Variants in SNRK observed in about 807,000 individuals in gnomAD.
The protein encoded by SNRK is SNF-related serine/threonine-protein kinase.
A neutral mutation model predicts 48.2 loss-of-function variants in SNRK; 3 were observed. The observed-to-expected ratio is 0.06, with a 90% CI of 0.03 to 0.16. The LOEUF (loss-of-function observed/expected upper bound fraction) is 0.16, where lower values mean the gene tolerates loss of function less well. Ranked by LOEUF, SNRK falls within the 10% of genes least tolerant of loss-of-function variation. The pLI is 1.00. For missense variants in SNRK, 627 were observed against 976.0 expected (o/e 0.64, Z 4.76); for synonymous variants, 376 against 366.1 (o/e 1.03, Z -0.31).
At position 43,349,474 on chromosome 3, in the gene SNRK, A is replaced by G. The variant is rs1053353459; in HGVS notation, c.*917A>G. Reference sequence around the variant, plus strand: ...TGTTGGCAAAGTCAAAACCCCATGAATTAAAACCTACTGGAATTTGGTTTT... The same window carrying G: ...TGTTGGCAAAGTCAAAACCCCATGAGTTAAAACCTACTGGAATTTGGTTTT... On this transcript the variant is annotated 3_prime_UTR_variant, in exon 7 of 7. Transcript: ENST00000296088. 3 of 152,314 alleles carry G rather than the reference A, an allele frequency of 2.0e-5. No individual in the cohort carries two copies. The highest frequency in any genetic ancestry group is 7.2e-5 in the African/African-American group (3 of 41,458). 9.4% of individuals were successfully genotyped at this position (152,314 alleles called of 1,614,324 possible).
chr3:43,311,733 A>G (rs982041735), intron 3 of SNRK, among the ~76,000 whole-genome samples: 1 of 152,116 alleles, frequency 6.6e-6, no homozygotes, highest in Non-Finnish European at 1.5e-5. Context: ...CTTTGCTCTG[A>G]GTGACCAGGC....
intron 2 of SNRK, among the ~76,000 whole-genome samples, chr3:43,301,664 G>A (rs967598870): frequency 3.3e-5 from 5 of 152,076 alleles, no homozygotes; most frequent in South Asian, 2.1e-4. Flanking sequence ...GTCAAATTTC[G>A]TTTTTTGGGA....
intron 3 of SNRK, among the ~76,000 whole-genome samples, chr3:43,328,512 A>G (rs2091112743): frequency 6.6e-6 from 1 of 152,100 alleles, no homozygotes; most frequent in Non-Finnish European, 1.5e-5. Flanking sequence ...CTGGGACTGT[A>G]GGCATGCACC....
intron 2 of SNRK, among the ~76,000 whole-genome samples, chr3:43,301,965 C>T (rs1457697641): frequency 1.3e-5 from 2 of 152,124 alleles, no homozygotes; most frequent in Non-Finnish European, 1.5e-5. Flanking sequence ...AAATAGGAAC[C>T]TATTTCTATT....
At chr3:43,299,717 G>C (rs769836241) in intron 1 of SNRK, 37 bp from the exon 2 acceptor site, 1 of 152,538 alleles carries the variant, frequency 6.6e-6, no homozygotes, top group African/African-American at 2.4e-5. Flanking sequence ...CAAACAAATA[G>C]AACTAAACCT....
chr3:43,305,480 AT>A (rs35255577), intron 3 of SNRK, among the ~76,000 whole-genome samples: 21,788 of 132,822 alleles, frequency 0.16, 1,154 homozygotes, highest in Middle Eastern at 0.29. Flanking sequence ...TTTATATACA[AT>A]TTTTTTTTTT....
intron 3 of SNRK, among the ~76,000 whole-genome samples, chr3:43,305,372 G>T (rs1422407758): frequency 6.6e-6 from 1 of 151,952 alleles, no homozygotes; most frequent in Non-Finnish European, 1.5e-5. Context: ...TTCATATTCT[G>T]TATACGGTGA....
At chr3:43,321,548 T>G (rs555312055) in intron 3 of SNRK, among the ~76,000 whole-genome samples, 1 of 152,326 alleles carries the variant, frequency 6.6e-6, no homozygotes, top group Admixed American at 6.5e-5. Context: ...CAGACCCTTA[T>G]TTAGTTAATT....
At chr3:43,311,403 A>C (rs2090978099) in intron 3 of SNRK, among the ~76,000 whole-genome samples, 1 of 151,988 alleles carries the variant, frequency 6.6e-6, no homozygotes, top group Non-Finnish European at 1.5e-5. Flanking sequence ...CCTGCCTTCT[A>C]CTGTTTCTGT....
At chr3:43,343,003 T>TA (rs1360835621) in intron 5 of SNRK, among the ~76,000 whole-genome samples, 1 of 152,132 alleles carries the variant, frequency 6.6e-6, no homozygotes, top group Non-Finnish European at 1.5e-5. Flanking sequence ...CCTGAACAAA[T>TA]ACAAACACTG....
chr3:43,334,910 T>C (rs1035533634), intron 4 of SNRK, among the ~76,000 whole-genome samples: 1 of 152,178 alleles, frequency 6.6e-6, no homozygotes, highest in East Asian at 1.9e-4. Context: ...CTTTTAGTTA[T>C]ATTTTTTAAG....
chr3:43,340,663 A>G, intron 5 of SNRK, 164 bp downstream of exon 5: 1 of 658,566 alleles, frequency 1.5e-6, no homozygotes, highest in Non-Finnish European at 2.5e-6. Context: ...GGCCTGACAC[A>G]GGTTTTTTTT....
chr3:43,336,681 A>T (rs944404492), intron 4 of SNRK, among the ~76,000 whole-genome samples: 5 of 152,098 alleles, frequency 3.3e-5, no homozygotes, highest in Admixed American at 3.3e-4. Context: ...ATTAGCTAGG[A>T]AGTTATAGTC....
intron 3 of SNRK, among the ~76,000 whole-genome samples, chr3:43,329,702 G>A (rs969170066): frequency 2.6e-5 from 4 of 152,118 alleles, no homozygotes; most frequent in African/African-American, 4.8e-5. Flanking sequence ...GTATATTTAT[G>A]TTGCTTTTCT....
chr3:43,319,367 CG>C (rs1443331904), intron 3 of SNRK, among the ~76,000 whole-genome samples: 67 of 152,176 alleles, frequency 4.4e-4, no homozygotes, highest in African/African-American at 1.4e-3. Flanking sequence ...TCTGGTAAGT[CG>C]GAAAACAAGA....
rs141065705 is a variant in SNRK, at chr3:43,323,945, CAG to C, written c.590-8221_590-8220del. Among the ~76,000 whole-genome samples, 449 of 152,278 alleles carry C rather than the reference CAG, an allele frequency of 2.9e-3. 5 individuals carry two copies. The highest frequency in any genetic ancestry group is 0.01 in the African/African-American group (428 of 41,550). ...TGGGCTTGGGGAAGGGATGACTACA[CAG>C]AGGCACAAAGGAAATTTTGGGGTAA... On this transcript the variant is annotated intron_variant, in intron 3 of 6. Coordinates refer to ENST00000296088, the MANE Select transcript of SNRK (RefSeq NM_017719.5).
chr3:43,324,473 C>A (rs2091079745), intron 3 of SNRK, among the ~76,000 whole-genome samples: 1 of 148,252 alleles, frequency 6.7e-6, no homozygotes, highest in South Asian at 2.1e-4. Flanking sequence ...CGTGTCACTG[C>A]ACTCCAGCCT....
intron 3 of SNRK, among the ~76,000 whole-genome samples, chr3:43,304,018 G>GT (rs1234078858): frequency 1.3e-5 from 2 of 152,180 alleles, no homozygotes; most frequent in Non-Finnish European, 2.9e-5. Context: ...AGGAAAATGA[G>GT]TAAGTTATCA....
intron 3 of SNRK, among the ~76,000 whole-genome samples, chr3:43,330,745 A>G (rs1355411409): frequency 1.3e-5 from 2 of 152,192 alleles, no homozygotes; most frequent in East Asian, 1.9e-4. Flanking sequence ...TAGGGCAGAT[A>G]ATGCATGCAT....
Sources: allele counts gnomAD v4.1 joint callset (sites outside exome capture counted in the v4.1 genomes callset), GRCh38; gene constraint gnomAD v4.1.1; transcripts MANE v1.5; gene names NCBI Gene and HGNC (gene_info 2026-07-23, HGNC 2026-07-21).